Variants in IL6ST observed in about 807,000 individuals in gnomAD.
IL6ST encodes the protein interleukin-6 receptor subunit beta.
IL6ST carries 24 observed loss-of-function variants against 91.3 expected under a neutral mutation model. The ratio of observed to expected loss-of-function variants is 0.26; its 90% CI spans 0.19 to 0.37. The LOEUF is 0.37. Among genes scored for constraint, IL6ST ranks in the 10% least tolerant of loss-of-function variants. The probability of loss-of-function intolerance (pLI) is 1.00; values close to 1 mark genes in which losing one functional copy is unlikely to be tolerated. For synonymous variants in IL6ST, 351 were observed against 373.6 expected (o/e 0.94, Z 0.70); for missense variants, 914 against 1,078.5 (o/e 0.85, Z 2.14).
chr5:55,944,929 C>T (rs1751146843), intron 15 of IL6ST, among the ~76,000 whole-genome samples: 2 of 151,858 alleles, frequency 1.3e-5, no homozygotes. Flanking sequence ...CCATGTTGGT[C>T]CTCTGCCCTG....
intron 3 of IL6ST, among the ~76,000 whole-genome samples, chr5:55,970,217 A>G (rs1351954550): frequency 6.6e-6 from 1 of 152,164 alleles, no homozygotes; most frequent in Non-Finnish European, 1.5e-5. Context: ...AACTCTCCAG[A>G]AAACAGGCAG....
intron 3 of IL6ST, among the ~76,000 whole-genome samples, chr5:55,972,942 T>C (rs1193497323): frequency 6.6e-6 from 1 of 151,576 alleles, no homozygotes; most frequent in Non-Finnish European, 1.5e-5. Flanking sequence ...GGGGCAGAGG[T>C]TGCAGTGAGC....
chr5:55,994,512 C>G (rs1379087341), intron 1 of IL6ST, among the ~76,000 whole-genome samples: 1 of 152,090 alleles, frequency 6.6e-6, no homozygotes, highest in Non-Finnish European at 1.5e-5. Flanking sequence ...GAAGGGCGTT[C>G]TGCGGGGCGG....
Position 55,947,468 on chromosome 5 carries a change from C to T in IL6ST, c.1937+25G>A, listed in dbSNP as rs781074591. 171 of 1,330,846 alleles carry T rather than the reference C, an allele frequency of 1.3e-4. No homozygotes were observed. In the East Asian group the frequency reaches 3.8e-3, roughly 29 times the overall value. 82.4% of individuals were successfully genotyped at this position (1,330,846 alleles called of 1,614,324 possible). On this transcript the variant is annotated intron_variant, in intron 15 of 16. Coordinates refer to ENST00000381298, the MANE Select transcript of IL6ST (RefSeq NM_002184.4). ...AGCTCAATAAAGCTGGGGGAAAATGCAAAAATATGAATAAAGTTACTTACA... is the reference window on the plus strand; with the variant it reads ...AGCTCAATAAAGCTGGGGGAAAATGTAAAAATATGAATAAAGTTACTTACA...
At chr5:55,960,347 C>A in intron 8 of IL6ST, 55 bp downstream of exon 8, 1 of 1,392,634 alleles carries the variant, frequency 7.2e-7, no homozygotes, top group African/African-American at 1.4e-5. Flanking sequence ...AAACCAGAAC[C>A]AGTTCACATC....
intron 3 of IL6ST, 67 bp from the exon 4 acceptor site, chr5:55,969,922 G>A (rs1752865929): frequency 1.9e-6 from 2 of 1,036,890 alleles, no homozygotes; most frequent in Admixed American, 2.1e-5. Flanking sequence ...ATATCTAGCT[G>A]GTAGCACTCA....
rs1159870164 is a variant in IL6ST at position 55,956,173 on chromosome 5, C to G, written c.1119G>C (p.Trp373Cys). The stretch of plus-strand genomic sequence containing the variant: ...CTGTGTAATTTTGTAAATGTGATTT[C>G]CATCTTGTGAGAGTCACTTCATAAT... ...ILDYEVTLTR[W>C]KSHLQNYTVN... Residue 373 changes from tryptophan to cysteine, a missense_variant, in exon 10 of 17, where the codon TGG becomes TGC. Physicochemically the swap from Trp to Cys is radical, Grantham distance 215 (BLOSUM62 -2). Transcript: ENST00000381298. 6.2e-7 allele frequency: 1 copy of G among 1,612,676 alleles called. No individual in the cohort carries two copies. The highest frequency in any genetic ancestry group is 1.1e-5 in the South Asian group (1 of 91,044).
intron 14 of IL6ST, among the ~76,000 whole-genome samples, chr5:55,949,470 G>A (rs991563668): frequency 6.6e-6 from 1 of 150,710 alleles, no homozygotes; most frequent in African/African-American, 2.5e-5. Flanking sequence ...GCAAGACTCT[G>A]TCTCAAAAAC....
At chr5:55,967,758 A>G (rs1290168778) in intron 5 of IL6ST, among the ~76,000 whole-genome samples, 3 of 152,114 alleles carry the variant, frequency 2.0e-5, no homozygotes, top group South Asian at 2.1e-4. Flanking sequence ...AGTGATGGGT[A>G]TGTATGGGTA....
intron 1 of IL6ST, among the ~76,000 whole-genome samples, chr5:55,988,965 T>A (rs1331852576): frequency 2.6e-4 from 36 of 136,650 alleles, no homozygotes; most frequent in East Asian, 4.2e-4. Context: ...AAAAAAAAAA[T>A]AAAAAAAAAA....
intron 3 of IL6ST, among the ~76,000 whole-genome samples, chr5:55,972,156 A>C (rs1283668268): frequency 6.6e-6 from 1 of 152,170 alleles, no homozygotes; most frequent in Non-Finnish European, 1.5e-5. Context: ...GAGTTCTAAA[A>C]AGATATAATT....
chr5:55,989,138 A>AT (rs1754166730), intron 1 of IL6ST, among the ~76,000 whole-genome samples: 2 of 146,984 alleles, frequency 1.4e-5, no homozygotes, highest in African/African-American at 5.3e-5. Context: ...CTGTCTCAAA[A>AT]AAAAAAAAAG....
chr5:55,954,775 A>G (rs766074110), intron 11 of IL6ST, 35 bp downstream of exon 11: 12 of 1,496,998 alleles, frequency 8.0e-6, no homozygotes, highest in South Asian at 6.4e-5. Flanking sequence ...AGTTAGAAAA[A>G]GGATATCAAT....
intron 8 of IL6ST, among the ~76,000 whole-genome samples, chr5:55,958,867 C>A (rs1752141866): frequency 6.7e-6 from 1 of 149,244 alleles, no homozygotes; most frequent in Non-Finnish European, 1.5e-5. Context: ...AATTTAAGTA[C>A]TGATATGTTA....
At chr5:55,970,688 C>T (rs1206964822) in intron 3 of IL6ST, among the ~76,000 whole-genome samples, 1 of 152,040 alleles carries the variant, frequency 6.6e-6, no homozygotes, top group African/African-American at 2.4e-5. Flanking sequence ...GGGATAGGAT[C>T]CCCTATTTAA....
Position 55,952,008 on chromosome 5 carries a change from G to A in IL6ST, c.1620C>T (p.Asp540=). The change falls in exon 13 of 17, where the codon GAC becomes GAT. Residue 540 remains aspartate (D), a synonymous_variant. Transcript: ENST00000381298. ...VGKNEAVLEW[D]QLPVDVQNGF... ...CATTCTGAACATCAACAGGAAGTTG[G>A]TCCCACTCTAAGACAGCTTCGTTTT... The A allele has an allele frequency of 1.2e-6, 2 of 1,605,122 alleles. No individual in the cohort carries two copies. Among genetic ancestry groups the A allele is most frequent in the Non-Finnish European group, 1.7e-6 (2 of 1,172,012 alleles).
At chr5:55,974,620 G>C (rs1753165529) in intron 3 of IL6ST, among the ~76,000 whole-genome samples, 1 of 152,142 alleles carries the variant, frequency 6.6e-6, no homozygotes. Context: ...GAGTAGTGGG[G>C]ATTACAGGCG....
intron 8 of IL6ST, chr5:55,959,533 G>T (rs969538197): frequency 2.1e-6 from 1 of 482,888 alleles, no homozygotes; most frequent in Non-Finnish European, 3.4e-6. Context: ...TTGCAGTGAG[G>T]ATCTTACTTT....
rs762146985 is a variant in IL6ST at position 55,939,640 on chromosome 5, C to A, written c.*1442G>T. ...GATAGCAGTAGTCAATCACTAATAA[C>A]GCTTGCTAATTTCCTCTTACTTTCT... On this transcript the variant is annotated 3_prime_UTR_variant, in exon 17 of 17. Transcript: ENST00000381298. 4.4e-5 allele frequency: 9 copies of A among 205,378 alleles called. No individual in the cohort carries two copies. Among genetic ancestry groups the A allele is most frequent in the Non-Finnish European group, 8.0e-5 (8 of 100,352 alleles). 12.7% of individuals were successfully genotyped at this position (205,378 alleles called of 1,614,324 possible).
Sources: allele counts gnomAD v4.1 joint callset (sites outside exome capture counted in the v4.1 genomes callset), GRCh38; gene constraint gnomAD v4.1.1; transcripts MANE v1.5; gene names NCBI Gene and HGNC (gene_info 2026-07-23, HGNC 2026-07-21).